The following ADGRG6 variants were observed in gnomAD, a reference collection of about 807,000 sequenced individuals.
The protein encoded by ADGRG6 is adhesion G protein-coupled receptor G6.
ADGRG6 carries 84 observed loss-of-function variants against 142.4 expected under a neutral mutation model. The observed-to-expected ratio is 0.59, with a 90% CI of 0.49 to 0.71. The LOEUF (loss-of-function observed/expected upper bound fraction) is 0.71. Among genes scored for constraint, ADGRG6 ranks in the 30% least tolerant of loss-of-function variants. ADGRG6 has a pLI of 0.00. For missense variants in ADGRG6, 1,367 were observed against 1,466.6 expected (o/e 0.93, Z 1.11); for synonymous variants, 521 against 520.5 (o/e 1.00, Z -0.01).
chr6:142,436,733 C>T (rs1251965871), intron 22 of ADGRG6, among the ~76,000 whole-genome samples: 6 of 152,144 alleles, frequency 3.9e-5, no homozygotes, highest in Middle Eastern at 3.4e-3. Flanking sequence ...GTTTAAAATG[C>T]GGAAGCAAAT....
rs535495183 is a variant in ADGRG6, at chr6:142,336,110, T to C, written c.103+26466T>C. Among the ~76,000 whole-genome samples, 5 of 152,310 alleles carry C rather than the reference T, an allele frequency of 3.3e-5. No individual in the cohort carries two copies. In the East Asian group the frequency reaches 9.6e-4, roughly 29 times the overall value. Reference sequence around the variant, plus strand: ...TCCCCTTCTGCATGATAGCAGTGCCTCTCTGTGTGCAGGTCTATGTGCAGG... The same window carrying C: ...TCCCCTTCTGCATGATAGCAGTGCCCCTCTGTGTGCAGGTCTATGTGCAGG... On this transcript the variant is annotated intron_variant, in intron 2 of 24. Coordinates refer to ENST00000367609, the MANE Select transcript of ADGRG6 (RefSeq NM_198569.3).
At chr6:142,398,709 A>G (rs954581436) in intron 10 of ADGRG6, among the ~76,000 whole-genome samples, 1 of 152,140 alleles carries the variant, frequency 6.6e-6, no homozygotes, top group African/African-American at 2.4e-5. Context: ...ATTTTTAAAG[A>G]CAGCTCCTAA....
chr6:142,334,540 A>G (rs1276770998), intron 2 of ADGRG6, among the ~76,000 whole-genome samples: 1 of 152,168 alleles, frequency 6.6e-6, no homozygotes, highest in African/African-American at 2.4e-5. Flanking sequence ...GGCCCAGAAT[A>G]AGGAAGAACT....
At chr6:142,348,221 G>A (rs1452617831) in intron 2 of ADGRG6, among the ~76,000 whole-genome samples, 1 of 152,088 alleles carries the variant, frequency 6.6e-6, no homozygotes, top group Non-Finnish European at 1.5e-5. Context: ...TATGTTCTAG[G>A]ACAGTATATT....
At chr6:142,385,483 T>A (rs1333759980) in intron 6 of ADGRG6, among the ~76,000 whole-genome samples, 1 of 152,218 alleles carries the variant, frequency 6.6e-6, no homozygotes, top group Non-Finnish European at 1.5e-5. Context: ...CCACCTATAC[T>A]ATTTACTATG....
At chr6:142,370,894 G>T in intron 4 of ADGRG6, 101 bp downstream of exon 4, 1 of 1,151,620 alleles carries the variant, frequency 8.7e-7, no homozygotes. Flanking sequence ...GTACCTGTAT[G>T]TATATTCACA....
chr6:142,321,839 A>G (rs1778534998), intron 2 of ADGRG6, among the ~76,000 whole-genome samples: 1 of 152,156 alleles, frequency 6.6e-6, no homozygotes, highest in South Asian at 2.1e-4. Flanking sequence ...TATGTAAATT[A>G]TACCTCTATT....
At chr6:142,312,557 T>C (rs979796111) in intron 2 of ADGRG6, among the ~76,000 whole-genome samples, 1 of 152,038 alleles carries the variant, frequency 6.6e-6, no homozygotes, top group Non-Finnish European at 1.5e-5. Context: ...CTTGAAACCA[T>C]TTAGAAAAGT....
At chr6:142,303,330 CT>C (rs1011224738) in intron 1 of ADGRG6, among the ~76,000 whole-genome samples, 4 of 152,260 alleles carry the variant, frequency 2.6e-5, no homozygotes, top group East Asian at 1.9e-4. Context: ...GACCTGCCCC[CT>C]AGGTCCTGTT....
chr6:142,337,699 G>A (rs1779384925), intron 2 of ADGRG6, among the ~76,000 whole-genome samples: 2 of 152,098 alleles, frequency 1.3e-5, no homozygotes, highest in African/African-American at 4.8e-5. Flanking sequence ...GGGTTCATGG[G>A]TCTGTAAATG....
At chr6:142,322,971 G>A (rs1778589132) in intron 2 of ADGRG6, among the ~76,000 whole-genome samples, 1 of 152,060 alleles carries the variant, frequency 6.6e-6, no homozygotes, top group Non-Finnish European at 1.5e-5. Flanking sequence ...AGCACCTGGT[G>A]AATGGCCTCT....
intron 7 of ADGRG6, among the ~76,000 whole-genome samples, chr6:142,392,116 T>A (rs1208254171): frequency 6.6e-6 from 1 of 151,956 alleles, no homozygotes; most frequent in Non-Finnish European, 1.5e-5. Flanking sequence ...TTTAAAATAA[T>A]TTAACATTTT....
intron 5 of ADGRG6, 28 bp downstream of exon 5, chr6:142,382,047 T>A: frequency 7.1e-7 from 1 of 1,407,282 alleles, no homozygotes; most frequent in Non-Finnish European, 9.9e-7. Context: ...TGCTCTGGAA[T>A]CTCTTTGCTT....
intron 24 of ADGRG6, chr6:142,440,876 T>C (rs1401835296): frequency 5.4e-6 from 6 of 1,115,714 alleles, no homozygotes; most frequent in African/African-American, 3.2e-5. Context: ...TTTCTTGGAA[T>C]TGATCTAGAT....
chr6:142,370,860 A>G (rs1484387477), intron 4 of ADGRG6, 67 bp downstream of exon 4: 1 of 1,461,160 alleles, frequency 6.8e-7, no homozygotes, highest in Non-Finnish European at 9.5e-7. Flanking sequence ...GATTGTCAAC[A>G]AAGAATTATA....
chr6:142,302,373 T>G, intron 1 of ADGRG6, 42 bp downstream of exon 1: 2 of 1,608,350 alleles, frequency 1.2e-6, no homozygotes, highest in Non-Finnish European at 1.7e-6. Flanking sequence ...CACTCTTTTA[T>G]CTGTGTCCAC....
At chr6:142,324,845 A>G (rs1778686801) in intron 2 of ADGRG6, among the ~76,000 whole-genome samples, 3 of 151,866 alleles carry the variant, frequency 2.0e-5, no homozygotes, top group Admixed American at 6.6e-5. Context: ...TATCTTCTTT[A>G]TTTTTGGATT....
At chr6:142,386,005 ACTCTTGG>A (rs1324551305) in intron 6 of ADGRG6, among the ~76,000 whole-genome samples, 1 of 152,096 alleles carries the variant, frequency 6.6e-6, no homozygotes, top group East Asian at 1.9e-4. Flanking sequence ...ATTCCTTTTA[ACTCTTGG>A]CTATCAGAAT....
rs1376865004 is a variant in ADGRG6 at position 142,318,272 on chromosome 6, TTATATTATATATATTTA to T, written c.103+8649_103+8665del. ...TATTATATATATTTATTATATATAT[TTATATTATATATATTTA>T]TATATTATATATATTTATATTATAT... is the stretch of plus-strand genomic sequence containing the variant. On this transcript the variant is annotated intron_variant, in intron 2 of 24. Transcript: ENST00000367609. Among the ~76,000 whole-genome samples, 188 of 71,820 alleles carry T rather than the reference TTATATTATATATATTTA, an allele frequency of 2.6e-3. 3 individuals carry two copies. The highest frequency in any genetic ancestry group is 0.011 in the African/African-American group (179 of 15,894). The allele number at this position is 71,820 out of a possible 152,430, so 47.1% of individuals were successfully genotyped here.
Sources: gnomAD v4.1 joint callset for allele counts (sites outside exome capture counted in the v4.1 genomes callset) on GRCh38, gnomAD v4.1.1 for gene constraint, MANE v1.5 for transcripts, NCBI Gene and HGNC (gene_info 2026-07-23, HGNC 2026-07-21) for gene names.